The following SMARCAD1 variants were observed in gnomAD, a reference collection of about 807,000 sequenced individuals.
SMARCAD1 encodes the protein SWI/SNF-related matrix-associated actin-dependent regulator of chromatin subfamily A containing DEAD/H box 1.
In SMARCAD1, 25 loss-of-function variants were observed where a neutral mutation model predicts 127.1. The ratio of observed to expected loss-of-function variants is 0.20; its 90% CI spans 0.14 to 0.27. SMARCAD1 has a LOEUF of 0.27. Ranked by LOEUF, SMARCAD1 falls within the 10% of genes least tolerant of loss-of-function variation. SMARCAD1 has a pLI of 1.00. For synonymous variants in SMARCAD1, 400 were observed against 396.9 expected, an observed-to-expected ratio of 1.01 and a Z score of -0.09; for missense variants, 807 against 1,206.0, an observed-to-expected ratio of 0.67 and a Z score of 4.90.
rs752538186 is a variant in SMARCAD1 at position 94,289,593 on chromosome 4, A to G, written c.*59A>G. On this transcript the variant is annotated 3_prime_UTR_variant, in exon 24 of 24. Coordinates refer to ENST00000354268, the MANE Select transcript of SMARCAD1 (RefSeq NM_020159.5). Reference sequence around the variant, plus strand: ...ATATCAACTTGGTGCACTCAAGGACATTTACATTATGATGACCATGGGGTT... The same window carrying G: ...ATATCAACTTGGTGCACTCAAGGACGTTTACATTATGATGACCATGGGGTT... 6 of 1,300,490 alleles carry G rather than the reference A, an allele frequency of 4.6e-6. No individual in the cohort carries two copies. In the South Asian group the frequency reaches 7.1e-5, roughly 15 times the overall value. 80.6% of individuals were successfully genotyped at this position (1,300,490 alleles called of 1,614,324 possible). A position where few individuals can be genotyped will look rare whatever the true frequency, so the allele number is the denominator to read the frequency against.
At chr4:94,237,166 C>A (rs896146341) in intron 5 of SMARCAD1, 148 bp downstream of exon 5, 15 of 712,016 alleles carry the variant, frequency 2.1e-5, no homozygotes, top group Non-Finnish European at 3.7e-5. Flanking sequence ...ACTGTTTTTC[C>A]CTAAAAAGGG....
At position 94,290,947 on chromosome 4, in the gene SMARCAD1, CTG is replaced by C. The variant is rs1755608286; in HGVS notation, c.*1414_*1415del. On this transcript the variant is annotated 3_prime_UTR_variant, in exon 24 of 24. Coordinates refer to ENST00000354268, the MANE Select transcript of SMARCAD1 (RefSeq NM_020159.5). ...ACAGTGATTATTTAGATATTAAAGA[CTG>C]AGAACTCACGGCTTAACCCCAGTCT... 2 of 452,406 alleles carry C rather than the reference CTG, an allele frequency of 4.4e-6. No homozygotes were observed. Among genetic ancestry groups the C allele is most frequent in the Non-Finnish European group, 8.8e-6 (2 of 226,270 alleles). The allele number at this position is 452,406 out of a possible 1,614,324, so 28.0% of individuals were successfully genotyped here.
intron 9 of SMARCAD1, 159 bp from the exon 10 acceptor site, chr4:94,264,548 A>C: frequency 1.7e-6 from 1 of 589,320 alleles, no homozygotes; most frequent in East Asian, 2.9e-5. Flanking sequence ...GTAGCAACTC[A>C]AATATAAACA....
intron 2 of SMARCAD1, among the ~76,000 whole-genome samples, chr4:94,211,289 TAAG>T (rs1014293393): frequency 3.3e-5 from 5 of 151,956 alleles, no homozygotes; most frequent in African/African-American, 9.7e-5. Flanking sequence ...AATAAATAAA[TAAG>T]AATAAAAATC....
chr4:94,266,926 A>G (rs1262586695), intron 10 of SMARCAD1, among the ~76,000 whole-genome samples: 1 of 152,162 alleles, frequency 6.6e-6, no homozygotes, highest in Non-Finnish European at 1.5e-5. Flanking sequence ...TTACTTTCAT[A>G]ATCTTTATTT....
intron 9 of SMARCAD1, among the ~76,000 whole-genome samples, chr4:94,257,907 G>A (rs1393113198): frequency 6.6e-6 from 1 of 151,950 alleles, no homozygotes; most frequent in African/African-American, 2.4e-5. Context: ...CCCATTTTCT[G>A]TTCCCCAGTT....
Position 94,249,751 on chromosome 4 carries a change from A to C in SMARCAD1, c.803A>C (p.Lys268Thr). 6.4e-7 allele frequency: 1 copy of C among 1,560,688 alleles called. No individual in the cohort carries two copies. The highest frequency in any genetic ancestry group is 8.8e-7 in the Non-Finnish European group (1 of 1,131,786). Residue 268 changes from lysine to threonine, a missense_variant, in exon 7 of 24, where the codon AAA (lysine) becomes ACA (threonine). By Grantham distance (78) the Lys-to-Thr change is moderately conservative. Transcript: ENST00000354268. Reference sequence around the variant, plus strand: ...CAAAAGGAATTTCCCAATTTTGATAAACAGGTGAGTAGTCGTGTATGAAAA... The same window carrying C: ...CAAAAGGAATTTCCCAATTTTGATACACAGGTGAGTAGTCGTGTATGAAAA... ...KLQKEFPNFD[K>T]QELREVLKEH...
chr4:94,280,208 G>A (rs1014205260), intron 19 of SMARCAD1, among the ~76,000 whole-genome samples: 3 of 151,928 alleles, frequency 2.0e-5, no homozygotes, highest in African/African-American at 7.3e-5. Flanking sequence ...TTAAACTTAT[G>A]GAGAATTTCA....
At chr4:94,235,980 T>C (rs2125866563) in intron 4 of SMARCAD1, among the ~76,000 whole-genome samples, 1 of 152,284 alleles carries the variant, frequency 6.6e-6, no homozygotes, top group East Asian at 1.9e-4. Context: ...AATCTCTATT[T>C]CAAGTGATCC....
rs537632304 is a variant in SMARCAD1 at position 94,290,010 on chromosome 4, T to C, written c.*476T>C. 2.9e-5 allele frequency: 13 copies of C among 454,506 alleles called. No individual in the cohort carries two copies. The highest frequency in any genetic ancestry group is 2.0e-4 in the South Asian group (13 of 64,478). 28.2% of individuals were successfully genotyped at this position (454,506 alleles called of 1,614,324 possible). ...ATGTTAAAGAATGCAGCTGTATAGA[T>C]TATATAGCTTTCATTTTATTGCTAT... is the stretch of plus-strand genomic sequence containing the variant. On this transcript the variant is annotated 3_prime_UTR_variant, in exon 24 of 24. Coordinates refer to ENST00000354268, the MANE Select transcript of SMARCAD1 (RefSeq NM_020159.5).
chr4:94,227,293 G>A (rs1745178111), intron 3 of SMARCAD1, among the ~76,000 whole-genome samples: 1 of 152,122 alleles, frequency 6.6e-6, no homozygotes, highest in South Asian at 2.1e-4. Context: ...TAGTTCCATA[G>A]GCTGTTTGGT....
chr4:94,285,757 G>C lies in SMARCAD1; in HGVS notation c.3019+688G>C, dbSNP rs1251129393. Among the ~76,000 whole-genome samples, 3 of 152,214 alleles carry C rather than the reference G, an allele frequency of 2.0e-5. No individual in the cohort carries two copies. The East Asian group carries it at 5.8e-4, about 29-fold the overall frequency. On this transcript the variant is annotated intron_variant, in intron 23 of 23. Coordinates refer to ENST00000354268, the MANE Select transcript of SMARCAD1 (RefSeq NM_020159.5). ...GGTGCTGTGGAAGCTTGGGGAGGTG[G>C]GCGGTAGAGAAAGTTTGAGTAAGAA... is the stretch of plus-strand genomic sequence containing the variant.
intron 2 of SMARCAD1, among the ~76,000 whole-genome samples, chr4:94,219,480 C>G (rs1424647857): frequency 1.3e-5 from 2 of 151,894 alleles, no homozygotes; most frequent in Non-Finnish European, 2.9e-5. Flanking sequence ...CAGTGGCAAG[C>G]TTGAATGCTT....
rs200889387 is a variant in SMARCAD1, at chr4:94,250,847, G to T, written c.889+14G>T. 4 of 1,593,930 alleles carry T rather than the reference G, an allele frequency of 2.5e-6. No homozygotes were observed. The East Asian group carries it at 9.0e-5, about 36-fold the overall frequency. On this transcript the variant is annotated intron_variant, in intron 8 of 23. Coordinates refer to ENST00000354268, the MANE Select transcript of SMARCAD1 (RefSeq NM_020159.5). ...CAGAAGACCAAGGTAATTATTCTGG[G>T]TCATAGAAAATACATACTTCTCATT...
chr4:94,278,947 G>T lies in SMARCAD1; in HGVS notation c.2315G>T (p.Cys772Phe), dbSNP rs754527654. ...GTCACAGAAAAAAACACAGAAATGT[G>T]CAATGTCATGATGCAGTTGAGGAAA... ...INNLEKNTEM[C>F]NVMMQLRKMA... The change falls in exon 19 of 24, where the codon TGC becomes TTC. Residue 772 changes from cysteine to phenylalanine, a missense_variant. Transcript: ENST00000354268. 6.2e-7 allele frequency: 1 copy of T among 1,613,952 alleles called. No homozygotes were observed. The highest frequency in any genetic ancestry group is 8.5e-7 in the Non-Finnish European group (1 of 1,179,948).
At chr4:94,232,903 C>T (rs934044470) in intron 3 of SMARCAD1, among the ~76,000 whole-genome samples, 3 of 152,054 alleles carry the variant, frequency 2.0e-5, no homozygotes, top group African/African-American at 7.2e-5. Context: ...TTGCTAGAGC[C>T]TGTAAGACAA....
chr4:94,270,851 G>C, intron 11 of SMARCAD1, 33 bp downstream of exon 11: 2 of 1,587,314 alleles, frequency 1.3e-6, no homozygotes, highest in South Asian at 2.2e-5. Flanking sequence ...ATTTGTTGTT[G>C]AAAGTGTCAT....
chr4:94,235,797 A>T (rs1464612310), intron 4 of SMARCAD1, among the ~76,000 whole-genome samples: 1 of 152,120 alleles, frequency 6.6e-6, no homozygotes, highest in Non-Finnish European at 1.5e-5. Context: ...CTTTCACTTG[A>T]TTGCCAATTT....
At chr4:94,209,567 C>T (rs1234709509) in intron 2 of SMARCAD1, among the ~76,000 whole-genome samples, 3 of 152,090 alleles carry the variant, frequency 2.0e-5, no homozygotes, top group South Asian at 2.1e-4. Flanking sequence ...ACATGTTTAT[C>T]CTTGGTATCT....
Sources: gnomAD v4.1 joint callset for allele counts (sites outside exome capture counted in the v4.1 genomes callset) on GRCh38, gnomAD v4.1.1 for gene constraint, MANE v1.5 for transcripts, NCBI Gene and HGNC (gene_info 2026-07-23, HGNC 2026-07-21) for gene names.